The following FAAH2 variants were observed in gnomAD, a reference collection of about 807,000 sequenced individuals.
FAAH2 encodes the protein fatty acid amide hydrolase 2.
FAAH2 carries 60 observed loss-of-function variants against 36.9 expected under a neutral mutation model. The ratio of observed to expected loss-of-function variants is 1.63; its 90% CI spans 1.32 to 2.02. The LOEUF (loss-of-function observed/expected upper bound fraction) is 2.02. FAAH2 is among the 30% of genes most tolerant of loss of function. The pLI is 0.00. For synonymous variants in FAAH2, 214 were observed against 143.8 expected (o/e 1.49, Z -3.49); for missense variants, 689 against 397.5 (o/e 1.73, Z -6.23).
chrX:57,196,214 G>T, the FAAH2 span, among the ~76,000 whole-genome samples: 1 of 111,833 alleles, frequency 8.9e-6, no homozygotes, highest in Non-Finnish European at 1.9e-5. Context: ...CTACAATATT[G>T]ATTCTACCCA....
intron 8 of FAAH2, among the ~76,000 whole-genome samples, chrX:57,433,425 C>A (rs1207130783): frequency 9.0e-6 from 1 of 111,119 alleles, no homozygotes; most frequent in Non-Finnish European, 1.9e-5. Flanking sequence ...ATTTTCTAAC[C>A]CATACTTTTT....
chrX:57,393,856 C>T lies in FAAH2; in HGVS notation c.996+12827C>T, dbSNP rs1024080943. 7 of 973,044 alleles carry T rather than the reference C, an allele frequency of 7.2e-6. No homozygotes were observed. In the South Asian group the frequency reaches 1.3e-4, roughly 19 times the overall value. The allele number at this position is 973,044 out of a possible 1,213,427, so 80.2% of individuals were successfully genotyped here. ...TATCATTGGTATTCAACACTCTTTG[C>T]CAAGCTATGGTTTCTGGATCAATGT... On this transcript the variant is annotated intron_variant, in intron 7 of 10. Coordinates refer to ENST00000374900, the MANE Select transcript of FAAH2 (RefSeq NM_174912.4).
At chrX:57,150,892 G>C in the FAAH2 span, among the ~76,000 whole-genome samples, 2 of 112,007 alleles carry the variant, frequency 1.8e-5, no homozygotes, top group African/African-American at 6.5e-5. Context: ...TTTGCAGTGG[G>C]TGGTACCGGA....
chrX:57,479,086 C>A (rs372824637), intron 10 of FAAH2, among the ~76,000 whole-genome samples: 7 of 111,485 alleles, frequency 6.3e-5, no homozygotes, highest in African/African-American at 2.3e-4. Flanking sequence ...GGCAGTTTGG[C>A]CATTTTCACG....
At chrX:57,181,421 C>A in the FAAH2 span, among the ~76,000 whole-genome samples, 7 of 111,219 alleles carry the variant, frequency 6.3e-5, no homozygotes, top group Non-Finnish European at 3.8e-5. Context: ...ACAAAAATCG[C>A]TATCGTTTTA....
At chrX:57,445,514 G>A (rs2056656303) in intron 8 of FAAH2, among the ~76,000 whole-genome samples, 1 of 111,426 alleles carries the variant, frequency 9.0e-6, no homozygotes, top group African/African-American at 3.3e-5. Flanking sequence ...GTTTATAGGA[G>A]ACTCTGGTGC....
chrX:57,137,807 A>G, the FAAH2 span, among the ~76,000 whole-genome samples: 2 of 111,843 alleles, frequency 1.8e-5, no homozygotes, highest in Non-Finnish European at 3.8e-5. Context: ...ACATAGAAAT[A>G]CCATGTGTAT....
At chrX:57,273,300 A>G in the FAAH2 span, among the ~76,000 whole-genome samples, 2 of 111,355 alleles carry the variant, frequency 1.8e-5, no homozygotes, top group African/African-American at 3.3e-5. Context: ...AGACTCCCAC[A>G]CAATAATAAT....
intron 10 of FAAH2, among the ~76,000 whole-genome samples, chrX:57,482,901 T>C (rs754605358): frequency 9.1e-6 from 1 of 110,115 alleles, no homozygotes; most frequent in Admixed American, 9.8e-5. Flanking sequence ...TGGTTTTGTT[T>C]TATAGGTGCT....
chrX:57,356,454 T>G (rs1188823846), intron 5 of FAAH2, among the ~76,000 whole-genome samples: 1 of 111,340 alleles, frequency 9.0e-6, no homozygotes, highest in Non-Finnish European at 1.9e-5. Flanking sequence ...TCTTTCAGAT[T>G]TTTTCTCTCT....
chrX:57,319,988 C>T (rs1055913780), intron 3 of FAAH2, among the ~76,000 whole-genome samples: 1 of 111,813 alleles, frequency 8.9e-6, no homozygotes, highest in African/African-American at 3.2e-5. Flanking sequence ...AACTGGACCT[C>T]TTTCTTACAC....
At chrX:57,442,903 A>T (rs754101432) in intron 8 of FAAH2, among the ~76,000 whole-genome samples, 2 of 111,068 alleles carry the variant, frequency 1.8e-5, no homozygotes, top group African/African-American at 6.6e-5. Context: ...TTCTGGTTTG[A>T]AAATTCTTTT....
At chrX:57,425,915 T>G (rs2056150879) in intron 7 of FAAH2, among the ~76,000 whole-genome samples, 1 of 112,217 alleles carries the variant, frequency 8.9e-6, no homozygotes, top group African/African-American at 3.2e-5. Context: ...GAATAGATGT[T>G]AAAAACATGA....
the FAAH2 span, among the ~76,000 whole-genome samples, chrX:57,264,231 T>G: frequency 8.9e-6 from 1 of 111,858 alleles, no homozygotes; most frequent in Non-Finnish European, 1.9e-5. Flanking sequence ...CAGACCAACA[T>G]GAAAAACTTT....
Position 57,286,736 on chromosome X carries a change from T to C in FAAH2, c.-90T>C. The C allele has an allele frequency of 1.1e-6, 1 of 885,200 alleles. No individual in the cohort carries two copies. The highest frequency in any genetic ancestry group is 1.5e-6 in the Non-Finnish European group (1 of 680,855). The allele number at this position is 885,200 out of a possible 1,213,427, so 73.0% of individuals were successfully genotyped here. ...CTGGACTTGTAAACGAAAAGCTTCA[T>C]AAGTCCCTCTTTGCTTAGTACTTTT... On this transcript the variant is annotated 5_prime_UTR_variant, in exon 1 of 11. Coordinates refer to ENST00000374900, the MANE Select transcript of FAAH2 (RefSeq NM_174912.4).
chrX:57,222,849 C>G, the FAAH2 span, among the ~76,000 whole-genome samples: 3 of 111,469 alleles, frequency 2.7e-5, no homozygotes, highest in Non-Finnish European at 5.7e-5. Context: ...GCCCCCTTTA[C>G]TTAGTTTGTA....
intron 10 of FAAH2, among the ~76,000 whole-genome samples, chrX:57,456,146 A>G (rs777868252): frequency 1.8e-5 from 2 of 112,027 alleles, no homozygotes; most frequent in Non-Finnish European, 3.8e-5. Context: ...CAATACCAAG[A>G]TCTCTCAAAA....
At chrX:57,242,223 G>C in the FAAH2 span, among the ~76,000 whole-genome samples, 2 of 111,837 alleles carry the variant, frequency 1.8e-5, no homozygotes, top group Non-Finnish European at 3.8e-5. Context: ...CTGGCATCTG[G>C]CAGGTGCCTC....
chrX:57,442,434 C>T (rs1176320900), intron 8 of FAAH2, among the ~76,000 whole-genome samples: 1 of 111,135 alleles, frequency 9.0e-6, no homozygotes, highest in African/African-American at 3.3e-5. Context: ...ATTGCAACCT[C>T]TGCTTTTTTT....
Sources: allele counts gnomAD v4.1 joint callset (sites outside exome capture counted in the v4.1 genomes callset), GRCh38; gene constraint gnomAD v4.1.1; transcripts MANE v1.5; gene names NCBI Gene and HGNC (gene_info 2026-07-23, HGNC 2026-07-21).